The following ESR1 variants were observed in gnomAD, a reference collection of about 807,000 sequenced individuals.
The protein encoded by ESR1 is estrogen receptor 1.
ESR1 carries 12 observed loss-of-function variants against 52.7 expected under a neutral mutation model. The ratio of observed to expected loss-of-function variants is 0.23; its 90% CI spans 0.15 to 0.37. The LOEUF (loss-of-function observed/expected upper bound fraction) is 0.37. Ranked by LOEUF, ESR1 falls within the 10% of genes least tolerant of loss-of-function variation. The pLI, the probability that ESR1 is intolerant of heterozygous loss-of-function variation, is 1.00. For missense variants in ESR1, 584 were observed against 779.7 expected (o/e 0.75, Z 2.99); for synonymous variants, 305 against 316.8 (o/e 0.96, Z 0.39).
chr6:151,797,036 T>C (rs1163170454), intron 2 of ESR1, among the ~76,000 whole-genome samples: 1 of 152,230 alleles, frequency 6.6e-6, no homozygotes, highest in Non-Finnish European at 1.5e-5. Flanking sequence ...GAGCATAGGC[T>C]AGGACTCATG....
At chr6:151,954,744 T>C (rs1002930773) in intron 4 of ESR1, among the ~76,000 whole-genome samples, 16 of 152,226 alleles carry the variant, frequency 1.1e-4, no homozygotes, top group Admixed American at 2.0e-4. Context: ...TAGAAGAATA[T>C]CTTCCAAAAC....
At chr6:151,703,768 T>G (rs577763661) in intron 2 of ESR1, among the ~76,000 whole-genome samples, 16 of 152,280 alleles carry the variant, frequency 1.1e-4, no homozygotes, top group Admixed American at 6.5e-4. Flanking sequence ...TACCTCCCTT[T>G]CTCTCTTTTT....
chr6:151,890,881 C>A (rs1168507390), intron 3 of ESR1, among the ~76,000 whole-genome samples: 1 of 152,092 alleles, frequency 6.6e-6, no homozygotes, highest in Non-Finnish European at 1.5e-5. Flanking sequence ...GTTTTCTTAA[C>A]CATGCATTGA....
At chr6:152,024,733 A>G (rs1411786597) in intron 5 of ESR1, among the ~76,000 whole-genome samples, 1 of 148,028 alleles carries the variant, frequency 6.8e-6, no homozygotes, top group East Asian at 1.9e-4. Context: ...TATAATATAT[A>G]CATGTATTGT....
exon 7 of ESR1, chr6:152,128,181 T>C (rs1487802548): frequency 1.3e-5 from 2 of 152,190 alleles, no homozygotes; most frequent in East Asian, 3.8e-4. Context: ...AAGTCAAACG[T>C]AGGGAAAAAG....
chr6:151,801,244 T>G (rs1777212626), upstream of ESR1, among the ~76,000 whole-genome samples: 1 of 152,194 alleles, frequency 6.6e-6, no homozygotes, highest in African/African-American at 2.4e-5. Context: ...TAACAATAAT[T>G]GGAATAATTG....
chr6:151,704,286 G>A (rs1358813479), intron 2 of ESR1, among the ~76,000 whole-genome samples: 1 of 152,132 alleles, frequency 6.6e-6, no homozygotes, highest in African/African-American at 2.4e-5. Context: ...CACCCAGGCT[G>A]GAGTGCAGTG....
intron 3 of ESR1, among the ~76,000 whole-genome samples, chr6:151,889,061 A>C (rs766928024): frequency 6.6e-6 from 1 of 152,038 alleles, no homozygotes; most frequent in Admixed American, 6.6e-5. Context: ...ATGACAATCA[A>C]TTTTGCTAGT....
intron 3 of ESR1, among the ~76,000 whole-genome samples, chr6:151,909,476 T>C (rs1297059377): frequency 1.3e-5 from 2 of 152,278 alleles, no homozygotes; most frequent in Non-Finnish European, 1.5e-5. Context: ...GGCACTGTAT[T>C]CAATACATGT....
At chr6:151,736,639 A>G (rs1338049000) in intron 2 of ESR1, among the ~76,000 whole-genome samples, 2 of 152,008 alleles carry the variant, frequency 1.3e-5, no homozygotes, top group African/African-American at 4.8e-5. Context: ...TTGGCCTCCT[A>G]AAGTGCTGGT....
At chr6:151,919,718 G>A (rs904121801) in intron 3 of ESR1, among the ~76,000 whole-genome samples, 6 of 152,260 alleles carry the variant, frequency 3.9e-5, no homozygotes, top group Middle Eastern at 3.4e-3. Context: ...GAAAACAGTG[G>A]GTGTTGTGAA....
intron 6 of ESR1, among the ~76,000 whole-genome samples, chr6:152,093,308 G>T (rs2050340984): frequency 6.7e-6 from 1 of 149,888 alleles, no homozygotes; most frequent in Non-Finnish European, 1.5e-5. Context: ...CTAAGACCTT[G>T]TGACTACTAC....
chr6:152,075,476 G>A (rs148159244), intron 6 of ESR1, among the ~76,000 whole-genome samples: 251 of 152,218 alleles, frequency 1.6e-3, no homozygotes, highest in South Asian at 5.0e-3. Flanking sequence ...TTTCATCCAC[G>A]TAGTGCTCAC....
chr6:151,840,295 G>T (rs1178534548), intron 1 of ESR1, among the ~76,000 whole-genome samples: 1 of 152,150 alleles, frequency 6.6e-6, no homozygotes, highest in Non-Finnish European at 1.5e-5. Flanking sequence ...GCAATAAAAA[G>T]ATTTGAGGTT....
chr6:151,751,856 C>T (rs531413472), intron 2 of ESR1, among the ~76,000 whole-genome samples: 6 of 152,084 alleles, frequency 3.9e-5, no homozygotes, highest in Non-Finnish European at 8.8e-5. Flanking sequence ...TATTTTGAAA[C>T]CCACTCTGCA....
In ESR1 at chr6:151,918,928, A is replaced by G. The variant is rs138036444; in HGVS notation, c.761-25245A>G. Among the ~76,000 whole-genome samples, 382 of 152,352 alleles carry G rather than the reference A, an allele frequency of 2.5e-3. 2 individuals carry two copies. Among genetic ancestry groups the G allele is most frequent in the African/African-American group, 8.3e-3 (345 of 41,582 alleles). Reference sequence around the variant, plus strand: ...TCCTAACTTATTTCTTTTATTTAGCAATAAGATTTGTTACTTACATTGATT... The same window carrying G: ...TCCTAACTTATTTCTTTTATTTAGCGATAAGATTTGTTACTTACATTGATT... On this transcript the variant is annotated intron_variant, in intron 3 of 7. Transcript: ENST00000206249.
At chr6:151,967,205 G>A (rs1335954353) in intron 4 of ESR1, among the ~76,000 whole-genome samples, 1 of 151,900 alleles carries the variant, frequency 6.6e-6, no homozygotes, top group Non-Finnish European at 1.5e-5. Flanking sequence ...TAATTATACT[G>A]TAAGTTCTGG....
intron 5 of ESR1, among the ~76,000 whole-genome samples, chr6:152,043,222 T>C (rs925885132): frequency 2.0e-5 from 3 of 152,200 alleles, no homozygotes; most frequent in Non-Finnish European, 2.9e-5. Flanking sequence ...GGGCCACCTT[T>C]TGATCTATAT....
intron 2 of ESR1, among the ~76,000 whole-genome samples, chr6:151,777,996 T>G (rs139840416): frequency 6.6e-6 from 1 of 152,056 alleles, no homozygotes; most frequent in Admixed American, 6.6e-5. Flanking sequence ...AATAAAAAAT[T>G]AAAATGTACA....
Sources: gnomAD v4.1 joint callset for allele counts (sites outside exome capture counted in the v4.1 genomes callset) on GRCh38, gnomAD v4.1.1 for gene constraint, MANE v1.5 for transcripts, NCBI Gene and HGNC (gene_info 2026-07-23, HGNC 2026-07-21) for gene names.